The following ARHGAP28 variants were observed in gnomAD, a reference collection of about 807,000 sequenced individuals.
ARHGAP28 encodes rho GTPase-activating protein 28.
In ARHGAP28, 56 loss-of-function variants were observed where a neutral mutation model predicts 90.7. That is an observed-to-expected ratio of 0.62 (90% CI 0.50 to 0.77). The LOEUF is 0.77. Among genes scored for constraint, ARHGAP28 ranks in the 30% least tolerant of loss-of-function variants. The probability of loss-of-function intolerance (pLI) is 0.00; values close to 1 mark genes in which losing one functional copy is unlikely to be tolerated. For synonymous variants in ARHGAP28, 308 were observed against 323.3 expected (o/e 0.95, Z 0.51); for missense variants, 869 against 900.9 (o/e 0.96, Z 0.45).
At chr18:6,739,891 G>A (rs1006927173) in intron 1 of ARHGAP28, among the ~76,000 whole-genome samples, 2 of 138,888 alleles carry the variant, frequency 1.4e-5, no homozygotes, top group South Asian at 2.2e-4. Context: ...TTTCACTCTC[G>A]TTGTCCAGGC....
Position 6,913,839 on chromosome 18 carries a change from C to CA in ARHGAP28, c.*1686dup, listed in dbSNP as rs1313403429. 2 of 151,806 alleles carry CA rather than the reference C, an allele frequency of 1.3e-5. No individual in the cohort carries two copies. Among genetic ancestry groups the CA allele is most frequent in the Non-Finnish European group, 2.9e-5 (2 of 67,988 alleles). 9.4% of individuals were successfully genotyped at this position (151,806 alleles called of 1,614,324 possible). ...TTTTTAATGTATGGGTAATTGGTGG[C>CA]ACATGACTTTACATAATGACTTTCT... is the stretch of plus-strand genomic sequence containing the variant. On this transcript the variant is annotated 3_prime_UTR_variant, in exon 18 of 18. Transcript: ENST00000383472.
In ARHGAP28 at chr18:6,823,155, G is replaced by A. The variant is rs1375815540; in HGVS notation, c.123-1607G>A. ...AACCCAAAGACAAGAAGGCAAGCTTGGAGAAGATTCTTTGAAAGGAGTTGC... is the reference window on the plus strand; with the variant it reads ...AACCCAAAGACAAGAAGGCAAGCTTAGAGAAGATTCTTTGAAAGGAGTTGC... On this transcript the variant is annotated intron_variant, in intron 1 of 17. Transcript: ENST00000383472. Among the ~76,000 whole-genome samples, 3 of 152,220 alleles carry A rather than the reference G, an allele frequency of 2.0e-5. No individual in the cohort carries two copies. The South Asian group carries it at 6.2e-4, about 32-fold the overall frequency.
chr18:6,841,365 G>T (rs2056826158), intron 3 of ARHGAP28, among the ~76,000 whole-genome samples: 1 of 150,956 alleles, frequency 6.6e-6, no homozygotes, highest in Admixed American at 6.6e-5. Flanking sequence ...CTTTCTTAGT[G>T]AAGTCTTATA....
chr18:6,766,188 G>A (rs188742198), intron 1 of ARHGAP28, among the ~76,000 whole-genome samples: 117 of 152,196 alleles, frequency 7.7e-4, no homozygotes, highest in African/African-American at 2.7e-3. Context: ...CCTTACTGAG[G>A]GAAGAGTGTT....
chr18:6,908,982 A>G lies in ARHGAP28; in HGVS notation c.2053A>G (p.Lys685Glu), dbSNP rs370814527. 98 of 1,543,780 alleles carry G rather than the reference A, an allele frequency of 6.3e-5. No individual in the cohort carries two copies. Among genetic ancestry groups the G allele is most frequent in the Middle Eastern group, 1.7e-4 (1 of 5,934 alleles). ...ENSHGSSECI[K>E]IQNQRLYEIG... Reference sequence around the variant, plus strand: ...CAGTCATGGTTCATCAGAATGTATTAAGATTCAGAACCAAAGGTTATATGA... The same window carrying G: ...CAGTCATGGTTCATCAGAATGTATTGAGATTCAGAACCAAAGGTTATATGA... Residue 685 changes from lysine (K) to glutamate (E), a missense_variant, in exon 17 of 18, where the codon AAG (lysine) becomes GAG (glutamate). Transcript: ENST00000383472.
chr18:6,907,760 G>T (rs1209849335), intron 16 of ARHGAP28, among the ~76,000 whole-genome samples: 2 of 152,140 alleles, frequency 1.3e-5, no homozygotes, highest in Non-Finnish European at 2.9e-5. Context: ...CAACATTCTG[G>T]TCATGATACT....
intron 2 of ARHGAP28, among the ~76,000 whole-genome samples, chr18:6,827,375 C>T (rs1436993346): frequency 6.8e-6 from 1 of 146,660 alleles, no homozygotes; most frequent in Non-Finnish European, 1.5e-5. Context: ...GTTGACCCCC[C>T]CACCTCCCTC....
At position 6,906,550 on chromosome 18, in the gene ARHGAP28, G is replaced by C. The variant is rs1206876016; in HGVS notation, c.2031-2410G>C. On this transcript the variant is annotated intron_variant, in intron 16 of 17. Transcript: ENST00000383472. Reference sequence around the variant, plus strand: ...ATGGAGGAAGCCTTTTCAGTAAATGGTGTTGTAGCAATGGACATCCATAGG... The same window carrying C: ...ATGGAGGAAGCCTTTTCAGTAAATGCTGTTGTAGCAATGGACATCCATAGG... 2.0e-5 allele frequency among the ~76,000 whole-genome samples: 3 copies of C among 152,134 alleles called. No homozygotes were observed. In the South Asian group the frequency reaches 6.2e-4, roughly 32 times the overall value.
chr18:6,837,087 G>A lies in ARHGAP28; in HGVS notation c.326-110G>A, dbSNP rs1029599814. On this transcript the variant is annotated intron_variant, in intron 2 of 17. Transcript: ENST00000383472. Reference sequence around the variant, plus strand: ...CTTGTAGTTCTTTCCCATAATTACTGTAGAAAAAAAATACAAATATTATTT... The same window carrying A: ...CTTGTAGTTCTTTCCCATAATTACTATAGAAAAAAAATACAAATATTATTT... The A allele has an allele frequency of 1.6e-5, 13 of 798,654 alleles. No homozygotes were observed. The East Asian group carries it at 3.0e-4, about 18-fold the overall frequency. 49.5% of individuals were successfully genotyped at this position (798,654 alleles called of 1,614,324 possible). A position where few individuals can be genotyped will look rare whatever the true frequency, so the allele number is the denominator to read the frequency against.
Position 6,782,590 on chromosome 18 carries a change from G to GTT in ARHGAP28, c.123-42171_123-42170insTT, listed in dbSNP as rs1567945690. ...CTGCCATCACGCCCAGCTAATTTTT[G>GTT]TATTTTTTTTTTTTTTTTTTTTTTT... On this transcript the variant is annotated intron_variant, in intron 1 of 17. Coordinates refer to ENST00000383472, the MANE Select transcript of ARHGAP28 (RefSeq NM_001366230.1). Among the ~76,000 whole-genome samples the GTT allele has an allele frequency of 5.7e-4, 12 of 20,930 alleles. 1 individual carries two copies. The highest frequency in any genetic ancestry group is 1.1e-3 in the Non-Finnish European group (9 of 8,132). 13.7% of individuals were successfully genotyped at this position (20,930 alleles called of 152,430 possible).
chr18:6,830,439 C>G (rs2056706355), intron 2 of ARHGAP28, among the ~76,000 whole-genome samples: 1 of 152,034 alleles, frequency 6.6e-6, no homozygotes, highest in Non-Finnish European at 1.5e-5. Flanking sequence ...CGACCCTTCA[C>G]CTACATTTCT....
intron 7 of ARHGAP28, 142 bp downstream of exon 7, chr18:6,870,874 C>G: frequency 2.4e-6 from 2 of 831,512 alleles, no homozygotes; most frequent in Non-Finnish European, 3.5e-6. Flanking sequence ...GATCTCGGCT[C>G]ACTGCAAGCT....
Position 6,773,012 on chromosome 18 carries a change from A to AT in ARHGAP28, c.122+43071dup, listed in dbSNP as rs989914422. 5.3e-5 allele frequency among the ~76,000 whole-genome samples: 8 copies of AT among 152,292 alleles called. 2 individuals carry two copies. Among genetic ancestry groups the AT allele is most frequent in the East Asian group, 1.9e-4 (1 of 5,178 alleles). On this transcript the variant is annotated intron_variant, in intron 1 of 17. Coordinates refer to ENST00000383472, the MANE Select transcript of ARHGAP28 (RefSeq NM_001366230.1). The stretch of plus-strand genomic sequence containing the variant: ...CGCCTCAGCCTCCTAAAGTGCTGGG[A>AT]TTGTGAAGGTTTTATCTGGACATAA...
chr18:6,893,851 A>G (rs1215241026), intron 14 of ARHGAP28, among the ~76,000 whole-genome samples: 4 of 147,250 alleles, frequency 2.7e-5, no homozygotes, highest in African/African-American at 7.5e-5. Context: ...GTACTATTGT[A>G]CTATATTGCT....
chr18:6,890,423 T>C lies in ARHGAP28; in HGVS notation c.1735-7T>C, dbSNP rs779244153. Reference sequence around the variant, plus strand: ...TCCATCCAGTCCAAGCTATTTTTCTTCTCCAGGTTCCATCTTTCTTAATCA... The same window carrying C: ...TCCATCCAGTCCAAGCTATTTTTCTCCTCCAGGTTCCATCTTTCTTAATCA... On this transcript the variant is annotated splice_region_variant and splice_polypyrimidine_tract_variant and intron_variant, in intron 13 of 17. Transcript: ENST00000383472. 7.0e-6 allele frequency: 11 copies of C among 1,579,400 alleles called. No individual in the cohort carries two copies. The highest frequency in any genetic ancestry group is 9.5e-6 in the Non-Finnish European group (11 of 1,152,484).
intron 1 of ARHGAP28, among the ~76,000 whole-genome samples, chr18:6,773,293 A>C (rs1202188213): frequency 6.6e-6 from 1 of 152,212 alleles, no homozygotes; most frequent in Non-Finnish European, 1.5e-5. Context: ...ACAGTACACA[A>C]GCAACAGATG....
At chr18:6,821,051 CTA>C (rs2056623513) in intron 1 of ARHGAP28, among the ~76,000 whole-genome samples, 1 of 152,088 alleles carries the variant, frequency 6.6e-6, no homozygotes, top group Non-Finnish European at 1.5e-5. Flanking sequence ...ACAATAATAA[CTA>C]TTGGGGGATG....
At chr18:6,739,855 CTT>C (rs145660239) in intron 1 of ARHGAP28, among the ~76,000 whole-genome samples, 45 of 134,766 alleles carry the variant, frequency 3.3e-4, no homozygotes, top group Admixed American at 5.3e-4. Context: ...CATAAGAATT[CTT>C]TTTTTTTTTT....
intron 1 of ARHGAP28, among the ~76,000 whole-genome samples, chr18:6,805,116 A>G (rs542403966): frequency 2.2e-4 from 34 of 152,290 alleles, no homozygotes; most frequent in African/African-American, 7.2e-4. Flanking sequence ...CATCAGGCAC[A>G]TGCCACCATG....
Sources: allele counts gnomAD v4.1 joint callset (sites outside exome capture counted in the v4.1 genomes callset), GRCh38; gene constraint gnomAD v4.1.1; transcripts MANE v1.5; gene names NCBI Gene and HGNC (gene_info 2026-07-23, HGNC 2026-07-21).